KCNQ5: variants seen among roughly 807,000 people sequenced by gnomAD.
The protein encoded by KCNQ5 is potassium voltage-gated channel subfamily KQT member 5.
KCNQ5 carries 30 observed loss-of-function variants against 98.2 expected under a neutral mutation model. That is an observed-to-expected ratio of 0.31 (90% CI 0.23 to 0.41). The LOEUF (loss-of-function observed/expected upper bound fraction) is 0.41, where lower values mean the gene tolerates loss of function less well. KCNQ5 is among the 10% of genes least tolerant of loss of function. KCNQ5 has a pLI of 1.00. For synonymous variants in KCNQ5, 458 were observed against 449.4 expected, an observed-to-expected ratio of 1.02 and a Z score of -0.24; for missense variants, 835 against 1,182.5, an observed-to-expected ratio of 0.71 and a Z score of 4.31.
chr6:73,195,458 A>T lies in KCNQ5; in HGVS notation c.*44A>T. The T allele has an allele frequency of 6.3e-7, 1 of 1,577,168 alleles. No individual in the cohort carries two copies. The highest frequency in any genetic ancestry group is 1.8e-5 in the Admixed American group (1 of 55,522). On this transcript the variant is annotated 3_prime_UTR_variant, in exon 14 of 14. Coordinates refer to ENST00000370398, the MANE Select transcript of KCNQ5 (RefSeq NM_019842.4). ...AGGCATAGCAGTTCTTTAGCCATAC[A>T]TATCATTGCATGAACTATTTCGAAA... is the stretch of plus-strand genomic sequence containing the variant.
At chr6:73,093,221 C>CT (rs1426699507) in intron 5 of KCNQ5, among the ~76,000 whole-genome samples, 1 of 152,050 alleles carries the variant, frequency 6.6e-6, no homozygotes. Context: ...CTTGAATGAT[C>CT]TTTTGTATTT....
intron 1 of KCNQ5, among the ~76,000 whole-genome samples, chr6:72,924,693 A>G (rs1257844536): frequency 6.6e-6 from 1 of 151,872 alleles, no homozygotes; most frequent in African/African-American, 2.4e-5. Context: ...CCACACACAC[A>G]CCTTCAACAC....
intron 7 of KCNQ5, among the ~76,000 whole-genome samples, chr6:73,116,045 G>T (rs1775476027): frequency 6.6e-6 from 1 of 152,058 alleles, no homozygotes; most frequent in African/African-American, 2.4e-5. Flanking sequence ...GGAAAGATCT[G>T]GAATGTAATC....
intron 5 of KCNQ5, among the ~76,000 whole-genome samples, chr6:73,097,012 G>A (rs959436296): frequency 3.9e-5 from 6 of 151,960 alleles, no homozygotes; most frequent in Admixed American, 3.9e-4. Flanking sequence ...CTGCACTCCA[G>A]TCTGGGTGAC....
intron 12 of KCNQ5, among the ~76,000 whole-genome samples, 179 bp downstream of exon 12, chr6:73,190,883 A>G (rs1341068295): frequency 1.3e-5 from 2 of 152,248 alleles, no homozygotes; most frequent in Non-Finnish European, 2.9e-5. Context: ...TAACTCAGGC[A>G]TTCAAAGCAT....
chr6:72,796,644 A>G (rs1774350799), intron 1 of KCNQ5, among the ~76,000 whole-genome samples: 1 of 152,214 alleles, frequency 6.6e-6, no homozygotes, highest in Admixed American at 6.6e-5. Flanking sequence ...ATAGCATGCT[A>G]TCCAGTGCTA....
intron 11 of KCNQ5, among the ~76,000 whole-genome samples, chr6:73,189,279 A>G (rs1326687432): frequency 6.6e-6 from 1 of 152,202 alleles, no homozygotes; most frequent in South Asian, 2.1e-4. Context: ...TACAAAACCT[A>G]TACTGAATAA....
intron 7 of KCNQ5, among the ~76,000 whole-genome samples, chr6:73,119,992 C>T (rs1289793926): frequency 1.3e-5 from 2 of 151,468 alleles, no homozygotes. Flanking sequence ...AATCCCAGCA[C>T]TTTGGGAGGC....
intron 1 of KCNQ5, among the ~76,000 whole-genome samples, chr6:72,789,684 A>T (rs138342300): frequency 3.9e-5 from 6 of 152,328 alleles, no homozygotes; most frequent in East Asian, 1.9e-4. Context: ...TAAATTTCAT[A>T]TATTTTAAAT....
At chr6:72,642,640 A>G (rs1263746907) in intron 1 of KCNQ5, among the ~76,000 whole-genome samples, 2 of 152,122 alleles carry the variant, frequency 1.3e-5, no homozygotes, top group Admixed American at 1.3e-4. Context: ...AGAAAAGGGA[A>G]CTCTCATAAC....
chr6:73,198,343 A>G lies in KCNQ5; in HGVS notation c.*2929A>G, dbSNP rs1330501592. The G allele has an allele frequency of 6.6e-6, 1 of 152,222 alleles. No individual in the cohort carries two copies. The highest frequency in any genetic ancestry group is 1.5e-5 in the Non-Finnish European group (1 of 68,036). 9.4% of individuals were successfully genotyped at this position (152,222 alleles called of 1,614,324 possible). A position where few individuals can be genotyped will look rare whatever the true frequency, so the allele number is the denominator to read the frequency against. On this transcript the variant is annotated 3_prime_UTR_variant, in exon 14 of 14. Coordinates refer to ENST00000370398, the MANE Select transcript of KCNQ5 (RefSeq NM_019842.4). ...TATTTGTAGATTGCAAGTTTTGTTT[A>G]AAATAACTTTATTGAGTTTTTAAGT...
At chr6:73,118,229 C>G (rs569874134) in intron 7 of KCNQ5, among the ~76,000 whole-genome samples, 1 of 152,294 alleles carries the variant, frequency 6.6e-6, no homozygotes, top group East Asian at 1.9e-4. Flanking sequence ...CTTCTAACAG[C>G]GTAGAATAGT....
At chr6:72,735,347 A>G (rs1770772653) in intron 1 of KCNQ5, among the ~76,000 whole-genome samples, 1 of 152,214 alleles carries the variant, frequency 6.6e-6, no homozygotes. Flanking sequence ...CTTTCAAGAA[A>G]AGCATTGAAG....
intron 3 of KCNQ5, among the ~76,000 whole-genome samples, chr6:73,057,121 G>A (rs1253907325): frequency 1.0e-3 from 154 of 152,114 alleles, no homozygotes; most frequent in African/African-American, 2.7e-3. Context: ...AATGTGGCAC[G>A]TATACACCAT....
chr6:72,777,825 G>A (rs1178109278), intron 1 of KCNQ5, among the ~76,000 whole-genome samples: 2 of 152,096 alleles, frequency 1.3e-5, no homozygotes, highest in African/African-American at 2.4e-5. Context: ...TCTCTGCCCC[G>A]ACACACCCTC....
At chr6:72,728,564 T>C (rs1770401739) in intron 1 of KCNQ5, among the ~76,000 whole-genome samples, 1 of 152,136 alleles carries the variant, frequency 6.6e-6, no homozygotes, top group South Asian at 2.1e-4. Context: ...ACAGCAGTCA[T>C]TGATTGGTCC....
intron 1 of KCNQ5, among the ~76,000 whole-genome samples, chr6:73,003,067 T>C (rs556540438): frequency 6.6e-6 from 1 of 152,226 alleles, no homozygotes; most frequent in South Asian, 2.1e-4. Flanking sequence ...CTCAGGTTTT[T>C]TTTTTAACAC....
At chr6:73,025,143 G>A (rs982446496) in intron 2 of KCNQ5, among the ~76,000 whole-genome samples, 15 of 152,160 alleles carry the variant, frequency 9.9e-5, no homozygotes, top group African/African-American at 3.4e-4. Context: ...CAGAAAAAGT[G>A]AAAAGTGATC....
At chr6:72,984,086 T>A (rs1768617167) in intron 1 of KCNQ5, among the ~76,000 whole-genome samples, 1 of 152,132 alleles carries the variant, frequency 6.6e-6, no homozygotes, top group Non-Finnish European at 1.5e-5. Flanking sequence ...GGAAGCTTCG[T>A]CCCAGAGGGG....
Sources: gnomAD v4.1 joint callset for allele counts (sites outside exome capture counted in the v4.1 genomes callset) on GRCh38, gnomAD v4.1.1 for gene constraint, MANE v1.5 for transcripts, NCBI Gene and HGNC (gene_info 2026-07-23, HGNC 2026-07-21) for gene names.